LRRC9: variants seen among roughly 807,000 people sequenced by gnomAD.
LRRC9 encodes leucine-rich repeat-containing protein 9.
Under a neutral mutation model 63.2 loss-of-function variants are expected in LRRC9, and 122 were observed. That is an observed-to-expected ratio of 1.93 (90% CI 1.67 to 2.24). The LOEUF is 2.24. LRRC9 is among the 30% of genes most tolerant of loss of function. The pLI is 0.00. For synonymous variants in LRRC9, 366 were observed against 213.1 expected (o/e 1.72, Z -6.25); for missense variants, 1,071 against 627.7 (o/e 1.71, Z -7.55).
In LRRC9 at chr14:60,051,088, G is replaced by T. The variant is rs1352419540; in HGVS notation, c.3991-1977G>T. 6.6e-6 allele frequency among the ~76,000 whole-genome samples: 1 copy of T among 152,202 alleles called. No homozygotes were observed. The highest frequency in any genetic ancestry group is 6.5e-5 in the Admixed American group (1 of 15,284). ...AAGGACACACTTACAGGAGTAGTCT[G>T]GCTGCTTTTGGTAGAGCCAGTGTGC... On this transcript the variant is annotated intron_variant, in intron 29 of 31. Transcript: ENST00000445360. The surrounding 1 kb of genome is among the most constrained non-coding windows in gnomAD (Gnocchi z 4.7).
At position 59,990,413 on chromosome 14, in the gene LRRC9, T is replaced by G. The variant is rs987151923; in HGVS notation, c.2211+5189T>G. ...AGACCTTTCTTTTTTCTTTTTCTTTTTTCATTTTTAGACAGGGTCTCACTC... is the reference window on the plus strand; with the variant it reads ...AGACCTTTCTTTTTTCTTTTTCTTTGTTCATTTTTAGACAGGGTCTCACTC... On this transcript the variant is annotated intron_variant, in intron 17 of 31. Coordinates refer to ENST00000445360, the Ensembl canonical transcript of LRRC9. The surrounding 1 kb of genome is among the most constrained non-coding windows in gnomAD (Gnocchi z 4.2). Among the ~76,000 whole-genome samples, 1 of 152,118 alleles carries G rather than the reference T, an allele frequency of 6.6e-6. No homozygotes were observed. Among genetic ancestry groups the G allele is most frequent in the African/African-American group, 2.4e-5 (1 of 41,392 alleles).
At chr14:60,005,337 C>A (rs960141083) in intron 21 of LRRC9, among the ~76,000 whole-genome samples, 1 of 152,086 alleles carries the variant, frequency 6.6e-6, no homozygotes, top group Admixed American at 6.6e-5. Context: ...CATTCCCATA[C>A]AACTGGATAT....
intron 23 of LRRC9, among the ~76,000 whole-genome samples, chr14:60,015,994 G>A (rs1272637617): frequency 1.3e-5 from 2 of 152,042 alleles, no homozygotes; most frequent in Non-Finnish European, 2.9e-5. Context: ...CCCCTTTCCC[G>A]ATCCTTTGAT....
chr14:59,983,583 T>C (rs1047012088), intron 16 of LRRC9, among the ~76,000 whole-genome samples: 3 of 152,068 alleles, frequency 2.0e-5, no homozygotes, highest in Non-Finnish European at 4.4e-5. Flanking sequence ...AGAGAGAAAA[T>C]ATTCTTACTG....
In LRRC9 at chr14:60,031,268, CA is replaced by C. The variant is rs1891970636; in HGVS notation, c.3922-726del. Among the ~76,000 whole-genome samples the C allele has an allele frequency of 6.6e-6, 1 of 151,994 alleles. No individual in the cohort carries two copies. The highest frequency in any genetic ancestry group is 2.1e-4 in the South Asian group (1 of 4,828). ...TCTAAAATAGGTCTAAATATTTTTA[CA>C]GTTACTAGAAGAATTTGCTATATGT... On this transcript the variant is annotated intron_variant, in intron 28 of 31. Coordinates refer to ENST00000445360, the Ensembl canonical transcript of LRRC9. This position sits in a 1 kb window ranked among gnomAD's most constrained non-coding sequence, Gnocchi z 4.6.
chr14:59,994,550 A>T (rs1307254258), intron 17 of LRRC9, among the ~76,000 whole-genome samples: 4 of 152,006 alleles, frequency 2.6e-5, no homozygotes, highest in African/African-American at 9.7e-5. Context: ...TGCTATAAAG[A>T]CACATGCACA....
rs1164502310 is a variant in LRRC9 at position 59,923,006 on chromosome 14, G to A, written c.-34+3123G>A. ...CTATAGAAGTTCCTGGTGGCTTCTG[G>A]TTTTGTGGGGGAACTAGAGATGACC... On this transcript the variant is annotated intron_variant, in intron 1 of 31. Transcript: ENST00000445360. This position sits in a 1 kb window ranked among gnomAD's most constrained non-coding sequence, Gnocchi z 4.2. Among the ~76,000 whole-genome samples, 1 of 152,166 alleles carries A rather than the reference G, an allele frequency of 6.6e-6. No individual in the cohort carries two copies. Among genetic ancestry groups the A allele is most frequent in the Non-Finnish European group, 1.5e-5 (1 of 68,016 alleles).
At position 59,930,945 on chromosome 14, in the gene LRRC9, A is replaced by T; in HGVS notation, c.295A>T (p.Asn99Tyr). 1 of 446,474 alleles carries T rather than the reference A, an allele frequency of 2.2e-6. No homozygotes were observed. Among genetic ancestry groups the T allele is most frequent in the Non-Finnish European group, 4.0e-6 (1 of 248,326 alleles). 27.7% of individuals were successfully genotyped at this position (446,474 alleles called of 1,614,324 possible). Residue 99 changes from asparagine (N) to tyrosine (Y), a missense_variant, in exon 4 of 32, where the codon AAT becomes TAT. Asn to Tyr is a moderately radical substitution (Grantham distance 143, BLOSUM62 -2). Transcript: ENST00000445360. This position sits in a 1 kb window ranked among gnomAD's most constrained non-coding sequence, Gnocchi z 4.9. ...AATTGAAGGTCTTCAAGAATGTAGA[A>T]ATTTGGAAAAACTATATTTATATTT...
At chr14:60,062,731 C>G (rs947353398) in intron 31 of LRRC9, among the ~76,000 whole-genome samples, 7 of 152,144 alleles carry the variant, frequency 4.6e-5, no homozygotes, top group Non-Finnish European at 8.8e-5. Context: ...CAACACTTGA[C>G]TTCTTAGATT....
chr14:59,921,488 G>A (rs951570785), intron 1 of LRRC9, among the ~76,000 whole-genome samples: 4 of 152,068 alleles, frequency 2.6e-5, no homozygotes, highest in African/African-American at 9.7e-5. Flanking sequence ...ACCTTTAAGA[G>A]GTATATGCAG....
At chr14:59,953,207 G>C (rs1256640789) in intron 8 of LRRC9, among the ~76,000 whole-genome samples, 1 of 152,136 alleles carries the variant, frequency 6.6e-6, no homozygotes, top group Non-Finnish European at 1.5e-5. Context: ...TGTTATTTCT[G>C]GTTCTAGATG....
At chr14:60,043,747 T>C (rs1893155560) in intron 29 of LRRC9, among the ~76,000 whole-genome samples, 1 of 142,594 alleles carries the variant, frequency 7.0e-6, no homozygotes, top group Non-Finnish European at 1.5e-5. Flanking sequence ...AGCCTGTAGT[T>C]TTCTTTTCCT....
chr14:59,984,723 C>T (rs1315534082), intron 16 of LRRC9, among the ~76,000 whole-genome samples: 1 of 152,136 alleles, frequency 6.6e-6, no homozygotes, highest in East Asian at 1.9e-4. Context: ...AGGTACCCTA[C>T]CTGATACCCC....
chr14:60,016,857 G>A, intron 24 of LRRC9, 67 bp downstream of exon 24: 1 of 568,730 alleles, frequency 1.8e-6, no homozygotes, highest in Non-Finnish European at 3.2e-6. Flanking sequence ...TCATTTTTCT[G>A]AAGCTTACAT....
At chr14:59,993,093 GACTA>G (rs1477332144) in intron 17 of LRRC9, among the ~76,000 whole-genome samples, 1 of 152,202 alleles carries the variant, frequency 6.6e-6, no homozygotes, top group Non-Finnish European at 1.5e-5. Context: ...AAGTCCATCA[GACTA>G]ACAGCTGATC....
rs1233214985 is a variant in LRRC9, at chr14:60,058,431, G to A, written c.4276+409G>A. Among the ~76,000 whole-genome samples, 1 of 152,192 alleles carries A rather than the reference G, an allele frequency of 6.6e-6. No homozygotes were observed. The highest frequency in any genetic ancestry group is 6.5e-5 in the Admixed American group (1 of 15,294). On this transcript the variant is annotated intron_variant, in intron 31 of 31. Coordinates refer to ENST00000445360, the Ensembl canonical transcript of LRRC9. The surrounding 1 kb of genome is among the most constrained non-coding windows in gnomAD (Gnocchi z 4.4). The stretch of plus-strand genomic sequence containing the variant: ...TGTAAAAGCATAACAGAATCCCGGG[G>A]TACAAAGGATATTCTGCAGAGATAT...
rs1394139926 is a variant in LRRC9 at position 60,004,878 on chromosome 14, G to C, written c.2842+1080G>C. 1.8e-5 allele frequency among the ~76,000 whole-genome samples: 1 copy of C among 56,066 alleles called. No individual in the cohort carries two copies. Among genetic ancestry groups the C allele is most frequent in the Non-Finnish European group, 4.5e-5 (1 of 22,374 alleles). The allele number at this position is 56,066 out of a possible 152,430, so 36.8% of individuals were successfully genotyped here. Reference sequence around the variant, plus strand: ...TGAAAAGAGAAATATGTATATGTGTGTATACACACACACACACACACACAC... The same window carrying C: ...TGAAAAGAGAAATATGTATATGTGTCTATACACACACACACACACACACAC... On this transcript the variant is annotated intron_variant, in intron 21 of 31. Coordinates refer to ENST00000445360, the Ensembl canonical transcript of LRRC9. This position sits in a 1 kb window ranked among gnomAD's most constrained non-coding sequence, Gnocchi z 4.8.
chr14:59,988,547 T>C (rs541644435), intron 17 of LRRC9, among the ~76,000 whole-genome samples: 47 of 152,320 alleles, frequency 3.1e-4, no homozygotes, highest in African/African-American at 1.1e-3. Flanking sequence ...TTTTATCTAC[T>C]GTTGTACACG....
chr14:59,994,075 T>G (rs1306715180), intron 17 of LRRC9, among the ~76,000 whole-genome samples: 3 of 152,052 alleles, frequency 2.0e-5, no homozygotes, highest in Admixed American at 1.3e-4. Flanking sequence ...AAAGCACTCC[T>G]CAGCAAATGT....
Sources: allele counts gnomAD v4.1 joint callset (sites outside exome capture counted in the v4.1 genomes callset), GRCh38; gene constraint gnomAD v4.1.1; non-coding constraint Gnocchi (gnomAD v3.1); transcripts MANE v1.5; gene names NCBI Gene and HGNC (gene_info 2026-07-23, HGNC 2026-07-21).